FGGY: variants seen among roughly 807,000 people sequenced by gnomAD.
The protein encoded by FGGY is FGGY carbohydrate kinase domain containing.
In FGGY, 72 loss-of-function variants were observed where a neutral mutation model predicts 71.3. That is an observed-to-expected ratio of 1.01 (90% CI 0.84 to 1.23). The LOEUF is 1.23. Ranked by LOEUF, FGGY falls within the 50% of genes most tolerant of loss-of-function variation. The probability of loss-of-function intolerance (pLI) is 0.00; values close to 1 mark genes in which losing one functional copy is unlikely to be tolerated. For synonymous variants in FGGY, 251 were observed against 250.3 expected, an observed-to-expected ratio of 1.00 and a Z score of -0.02; for missense variants, 668 against 682.3, an observed-to-expected ratio of 0.98 and a Z score of 0.23.
chr1:59,761,526 A>T (rs1376826701), intron 15 of FGGY, among the ~76,000 whole-genome samples: 10 of 152,132 alleles, frequency 6.6e-5, no homozygotes, highest in Admixed American at 3.9e-4. Context: ...CAGCTTCCCA[A>T]CCAAGAGGAG....
At chr1:59,476,427 A>G (rs2093269362) in intron 6 of FGGY, among the ~76,000 whole-genome samples, 1 of 152,234 alleles carries the variant, frequency 6.6e-6, no homozygotes, top group African/African-American at 2.4e-5. Context: ...TAAGTAATGG[A>G]ATCAGAGACA....
chr1:59,604,340 C>T (rs534542431), intron 8 of FGGY, among the ~76,000 whole-genome samples: 1 of 152,274 alleles, frequency 6.6e-6, no homozygotes, highest in South Asian at 2.1e-4. Flanking sequence ...CTAGGAATTC[C>T]TAGATTCTTC....
At chr1:59,691,426 C>T (rs922940196) in intron 14 of FGGY, among the ~76,000 whole-genome samples, 2 of 152,000 alleles carry the variant, frequency 1.3e-5, no homozygotes, top group African/African-American at 4.8e-5. Context: ...GAAGCTAAAG[C>T]CTCTGGGCCT....
Position 59,595,644 on chromosome 1 carries a change from C to T in FGGY, c.904-12159C>T, listed in dbSNP as rs143117716. Among the ~76,000 whole-genome samples the T allele has an allele frequency of 4.7e-3, 713 of 152,132 alleles. 12 individuals are homozygous for T. The highest frequency in any genetic ancestry group is 0.016 in the African/African-American group (671 of 41,504). On this transcript the variant is annotated intron_variant, in intron 8 of 15. Coordinates refer to ENST00000303721, the MANE Select transcript of FGGY (RefSeq NM_018291.5). ...GGCAGAAGTTGCAGTGAGCCGAGAT[C>T]GCGCCATTGCACTCCAGCCTGGGTG...
At chr1:59,522,422 G>A (rs1394466724) in intron 7 of FGGY, among the ~76,000 whole-genome samples, 1 of 152,072 alleles carries the variant, frequency 6.6e-6, no homozygotes, top group African/African-American at 2.4e-5. Flanking sequence ...AGAAAGTTGA[G>A]GCCCAGGGTG....
chr1:59,537,465 A>G (rs76731179), intron 7 of FGGY, among the ~76,000 whole-genome samples: 16,762 of 151,838 alleles, frequency 0.11, 1,068 homozygotes, highest in South Asian at 0.28. Flanking sequence ...TCAAGCTACC[A>G]ATGACTTTCT....
chr1:59,662,719 C>T (rs922553350), intron 12 of FGGY, among the ~76,000 whole-genome samples: 2 of 152,042 alleles, frequency 1.3e-5, no homozygotes, highest in South Asian at 2.1e-4. Context: ...AATACCATGC[C>T]GTATAAGTTT....
rs913051275 is a variant in FGGY, at chr1:59,488,721, G to A, written c.671-23590G>A. Among the ~76,000 whole-genome samples, 7 of 151,628 alleles carry A rather than the reference G, an allele frequency of 4.6e-5. No individual in the cohort carries two copies. The East Asian group carries it at 1.2e-3, about 25-fold the overall frequency. ...CGATTTTTAAAACAACACTTTTCTT[G>A]TATCATTTAAATTTTTTCTGATTTC... On this transcript the variant is annotated intron_variant, in intron 6 of 15. Transcript: ENST00000303721.
intron 9 of FGGY, among the ~76,000 whole-genome samples, chr1:59,624,054 T>G (rs2096834657): frequency 6.6e-6 from 1 of 152,162 alleles, no homozygotes; most frequent in African/African-American, 2.4e-5. Flanking sequence ...ATCCAAAGTG[T>G]GATGAGGATA....
In FGGY at chr1:59,573,451, TG is replaced by T. The variant is rs544061074; in HGVS notation, c.903+19225del. On this transcript the variant is annotated intron_variant, in intron 8 of 15. Coordinates refer to ENST00000303721, the MANE Select transcript of FGGY (RefSeq NM_018291.5). Reference sequence around the variant, plus strand: ...ACATACATATACACATATGTGTGTGTGTATATATATGTTCATATATATACAC... The same window carrying T: ...ACATACATATACACATATGTGTGTGTTATATATATGTTCATATATATACAC... 2.7e-3 allele frequency among the ~76,000 whole-genome samples: 405 copies of T among 152,054 alleles called. 5 individuals are homozygous for T. Among genetic ancestry groups the T allele is most frequent in the African/African-American group, 9.4e-3 (388 of 41,478 alleles).
chr1:59,368,248 C>T (rs891055586), intron 4 of FGGY, among the ~76,000 whole-genome samples: 17 of 152,188 alleles, frequency 1.1e-4, no homozygotes, highest in African/African-American at 4.1e-4. Flanking sequence ...GTTACATGAG[C>T]TGTCCAGGAT....
intron 6 of FGGY, among the ~76,000 whole-genome samples, chr1:59,492,768 T>C (rs1484096694): frequency 6.6e-6 from 1 of 152,116 alleles, no homozygotes; most frequent in Non-Finnish European, 1.5e-5. Context: ...AGTCTGCCTT[T>C]TTATTAAACA....
At chr1:59,403,158 G>C (rs951410261) in intron 5 of FGGY, among the ~76,000 whole-genome samples, 1 of 152,124 alleles carries the variant, frequency 6.6e-6, no homozygotes, top group South Asian at 2.1e-4. Flanking sequence ...CCAGTGTGCT[G>C]GATGCTTCTG....
At chr1:59,321,488 T>C in intron 1 of FGGY, 48 bp from the exon 2 acceptor site, 1 of 1,535,622 alleles carries the variant, frequency 6.5e-7, no homozygotes, top group Middle Eastern at 1.7e-4. Flanking sequence ...TGACTGTCTT[T>C]GCAGATCCAC....
At chr1:59,444,596 C>T (rs1395034476) in intron 5 of FGGY, among the ~76,000 whole-genome samples, 2 of 152,138 alleles carry the variant, frequency 1.3e-5, no homozygotes, top group Admixed American at 1.3e-4. Context: ...AATCTGGCTG[C>T]ACAGCATGAG....
intron 5 of FGGY, among the ~76,000 whole-genome samples, chr1:59,443,543 T>A (rs1372120736): frequency 6.6e-6 from 1 of 152,182 alleles, no homozygotes; most frequent in East Asian, 1.9e-4. Context: ...ATGCACACTT[T>A]AGATAACTTT....
At chr1:59,344,611 C>T (rs1449643438) in intron 3 of FGGY, among the ~76,000 whole-genome samples, 1 of 152,068 alleles carries the variant, frequency 6.6e-6, no homozygotes, top group Non-Finnish European at 1.5e-5. Context: ...GTTCCAGGAC[C>T]TCCTTAAGAC....
At chr1:59,601,712 C>T (rs535949103) in intron 8 of FGGY, among the ~76,000 whole-genome samples, 10 of 152,288 alleles carry the variant, frequency 6.6e-5, no homozygotes, top group East Asian at 3.9e-4. Context: ...TTCGGGAGGA[C>T]GGAGACTACA....
rs373792506 is a variant in FGGY at position 59,511,563 on chromosome 1, G to A, written c.671-748G>A. ...TATCTTGTCTTCCTAACTAGGTTGG[G>A]GGCAAGGACTGCTTTTCACAGCCCC... On this transcript the variant is annotated intron_variant, in intron 6 of 15. Transcript: ENST00000303721. Among the ~76,000 whole-genome samples the A allele has an allele frequency of 8.4e-4, 128 of 152,186 alleles. 1 individual carries two copies. The highest frequency in any genetic ancestry group is 3.0e-3 in the African/African-American group (124 of 41,516).
Sources: gnomAD v4.1 joint callset for allele counts (sites outside exome capture counted in the v4.1 genomes callset) on GRCh38, gnomAD v4.1.1 for gene constraint, MANE v1.5 for transcripts, NCBI Gene and HGNC (gene_info 2026-07-23, HGNC 2026-07-21) for gene names.